Variants in PARD3 observed in about 807,000 individuals in gnomAD.
The protein encoded by PARD3 is par-3 family cell polarity regulator, also known as partitioning defective 3 homolog.
Under a neutral mutation model 155.4 loss-of-function variants are expected in PARD3, and 75 were observed. The observed-to-expected ratio is 0.48, with a 90% CI of 0.40 to 0.58. The LOEUF is 0.58. Among genes scored for constraint, PARD3 ranks in the 20% least tolerant of loss-of-function variants. The pLI is 0.00. For synonymous variants in PARD3, 576 were observed against 610.5 expected (o/e 0.94, Z 0.83); for missense variants, 1,642 against 1,721.7 (o/e 0.95, Z 0.82).
At position 34,359,075 on chromosome 10, in the gene PARD3, T is replaced by C. The variant is rs566723223; in HGVS notation, c.2067+72A>G. On this transcript the variant is annotated intron_variant, in intron 14 of 24. Coordinates refer to ENST00000374788, the MANE Select transcript of PARD3 (RefSeq NM_001184785.2). ...TGTAAGGTCCTGGAACCTAATACCC[T>C]TTGCCCAAAATTAGGACAGAAATGT... 857 of 1,231,162 alleles carry C rather than the reference T, an allele frequency of 7.0e-4. 1 individual carries two copies. Among genetic ancestry groups the C allele is most frequent in the Non-Finnish European group, 7.7e-4 (657 of 858,330 alleles). 76.3% of individuals were successfully genotyped at this position (1,231,162 alleles called of 1,614,324 possible).
At chr10:34,375,445 AC>A (rs749798866) in intron 10 of PARD3, among the ~76,000 whole-genome samples, 2 of 152,242 alleles carry the variant, frequency 1.3e-5, no homozygotes, top group African/African-American at 2.4e-5. Flanking sequence ...ATATTTTGGT[AC>A]AGTATTTTCA....
intron 22 of PARD3, among the ~76,000 whole-genome samples, chr10:34,183,159 A>G (rs775834569): frequency 6.6e-5 from 10 of 152,242 alleles, no homozygotes; most frequent in Non-Finnish European, 1.5e-4. Context: ...TGAATAAGTC[A>G]ACGCATGAAT....
At chr10:34,725,105 T>TGTGTGTGTGTGTG (rs2094679434) in intron 1 of PARD3, among the ~76,000 whole-genome samples, 2 of 135,782 alleles carry the variant, frequency 1.5e-5, no homozygotes, top group African/African-American at 5.6e-5. Context: ...AGTCAAAACT[T>TGTGTGTGTGTGTG]TGTGTGTGTG....
At chr10:34,811,606 T>A (rs1010317309) in intron 1 of PARD3, among the ~76,000 whole-genome samples, 8 of 152,228 alleles carry the variant, frequency 5.3e-5, no homozygotes, top group African/African-American at 1.9e-4. Flanking sequence ...ACTGACTGTA[T>A]CACAGTGGTG....
At chr10:34,487,052 G>A (rs1343323013) in intron 3 of PARD3, among the ~76,000 whole-genome samples, 2 of 151,642 alleles carry the variant, frequency 1.3e-5, no homozygotes, top group Non-Finnish European at 1.5e-5. Flanking sequence ...CAGAATTTTC[G>A]GTCTGCTTGG....
chr10:34,791,419 G>A (rs1288957168), intron 1 of PARD3, among the ~76,000 whole-genome samples: 5 of 152,184 alleles, frequency 3.3e-5, no homozygotes, highest in Non-Finnish European at 5.9e-5. Flanking sequence ...ACCAGGCCGG[G>A]GCCTCCTCCC....
intron 2 of PARD3, among the ~76,000 whole-genome samples, chr10:34,609,310 A>G (rs2132601726): frequency 6.6e-6 from 1 of 152,324 alleles, no homozygotes; most frequent in East Asian, 1.9e-4. Context: ...GCAGGCCAAA[A>G]TTATCACCAG....
intron 4 of PARD3, among the ~76,000 whole-genome samples, chr10:34,468,505 T>TA (rs1334808783): frequency 6.6e-6 from 1 of 152,192 alleles, no homozygotes; most frequent in Non-Finnish European, 1.5e-5. Context: ...AAAAAAAGAT[T>TA]AACTGCCATG....
intron 2 of PARD3, among the ~76,000 whole-genome samples, chr10:34,663,234 C>T (rs1444191199): frequency 2.0e-5 from 3 of 151,844 alleles, no homozygotes; most frequent in African/African-American, 4.8e-5. Context: ...AGGGCCAGGG[C>T]GGGTAGATTG....
At chr10:34,540,823 A>C (rs1236437003) in intron 2 of PARD3, among the ~76,000 whole-genome samples, 1 of 152,148 alleles carries the variant, frequency 6.6e-6, no homozygotes, top group African/African-American at 2.4e-5. Context: ...TCTGATTTAA[A>C]TAAGTTATTT....
intron 22 of PARD3, among the ~76,000 whole-genome samples, chr10:34,235,767 T>C (rs1953193355): frequency 6.6e-6 from 1 of 152,230 alleles, no homozygotes; most frequent in African/African-American, 2.4e-5. Context: ...TTGCAATAAT[T>C]GCTCTGGCTT....
intron 22 of PARD3, among the ~76,000 whole-genome samples, chr10:34,192,843 T>C (rs1019362553): frequency 6.6e-6 from 1 of 152,104 alleles, no homozygotes; most frequent in African/African-American, 2.4e-5. Context: ...GGGATAGAAA[T>C]AGTGATCCAC....
intron 2 of PARD3, among the ~76,000 whole-genome samples, chr10:34,566,748 T>G (rs189853539): frequency 1.4e-4 from 21 of 151,944 alleles, no homozygotes; most frequent in Non-Finnish European, 2.1e-4. Flanking sequence ...ACTAAATAAA[T>G]TAACCAAAGT....
chr10:34,483,327 C>A (rs1036254062), intron 3 of PARD3, among the ~76,000 whole-genome samples: 1 of 151,874 alleles, frequency 6.6e-6, no homozygotes, highest in Non-Finnish European at 1.5e-5. Context: ...ACAAAAAATA[C>A]AAACATTAGC....
chr10:34,522,605 G>GAGA (rs2082216369), intron 2 of PARD3, among the ~76,000 whole-genome samples: 1 of 126,150 alleles, frequency 7.9e-6, no homozygotes, highest in Non-Finnish European at 1.8e-5. Context: ...GAAGACAGAT[G>GAGA]CAAAGCTCAA....
chr10:34,388,785 A>G (rs1842597824), intron 7 of PARD3, among the ~76,000 whole-genome samples: 1 of 152,164 alleles, frequency 6.6e-6, no homozygotes, highest in South Asian at 2.1e-4. Context: ...ACCACTTTGC[A>G]AAAAATAAAA....
At chr10:34,717,874 C>T (rs1248787302) in intron 1 of PARD3, among the ~76,000 whole-genome samples, 2 of 152,156 alleles carry the variant, frequency 1.3e-5, no homozygotes, top group Non-Finnish European at 2.9e-5. Flanking sequence ...AATTTCGGGG[C>T]CAAGCGTGGT....
intron 24 of PARD3, among the ~76,000 whole-genome samples, chr10:34,113,836 G>A (rs1564402200): frequency 6.6e-6 from 1 of 152,162 alleles, no homozygotes; most frequent in African/African-American, 2.4e-5. Context: ...AACCCTGAAA[G>A]GTTGTGGGGA....
At chr10:34,238,559 G>A (rs1044338486) in intron 22 of PARD3, among the ~76,000 whole-genome samples, 37 of 152,036 alleles carry the variant, frequency 2.4e-4, no homozygotes, top group African/African-American at 8.0e-4. Flanking sequence ...GCCAACAATC[G>A]GTTTTGACTA....
Sources: allele counts gnomAD v4.1 joint callset (sites outside exome capture counted in the v4.1 genomes callset), GRCh38; gene constraint gnomAD v4.1.1; transcripts MANE v1.5; gene names NCBI Gene and HGNC (gene_info 2026-07-23, HGNC 2026-07-21).